The following GHR variants were observed in gnomAD, a reference collection of about 807,000 sequenced individuals.
GHR encodes growth hormone receptor, also known as GH receptor.
A neutral mutation model predicts 67.1 loss-of-function variants in GHR; 35 were observed. The observed-to-expected ratio is 0.52, with a 90% confidence interval of 0.40 to 0.69. GHR has a LOEUF of 0.69. Ranked by LOEUF, GHR falls within the 30% of genes least tolerant of loss-of-function variation. The pLI is 0.00. For synonymous variants in GHR, 272 were observed against 269.1 expected (o/e 1.01, Z -0.10); for missense variants, 792 against 764.6 (o/e 1.04, Z -0.42).
At chr5:42,530,116 A>G (rs72754916) in intron 1 of GHR, among the ~76,000 whole-genome samples, 6,537 of 146,284 alleles carry the variant, frequency 0.045, 206 homozygotes, top group Middle Eastern at 0.078. Flanking sequence ...TGATGATTTG[A>G]TATATGTGTA....
intron 1 of GHR, among the ~76,000 whole-genome samples, chr5:42,563,115 A>T (rs190355198): frequency 1.3e-5 from 2 of 152,312 alleles, no homozygotes; most frequent in Non-Finnish European, 2.9e-5. Context: ...AAACCAGAGG[A>T]TGCAGCCTTC....
chr5:42,656,773 A>G (rs191253875), intron 3 of GHR, among the ~76,000 whole-genome samples: 46 of 152,280 alleles, frequency 3.0e-4, no homozygotes, highest in Admixed American at 2.7e-3. Context: ...ACTTTATTCC[A>G]GCAAATTTAG....
chr5:42,645,621 C>T (rs907803460), intron 3 of GHR, among the ~76,000 whole-genome samples: 1 of 152,176 alleles, frequency 6.6e-6, no homozygotes, highest in Admixed American at 6.6e-5. Flanking sequence ...CCAGAGAGAA[C>T]ATTTGAAATG....
chr5:42,477,179 A>G (rs1484302545), intron 1 of GHR, among the ~76,000 whole-genome samples: 1 of 151,798 alleles, frequency 6.6e-6, no homozygotes, highest in African/African-American at 2.4e-5. Flanking sequence ...GATGGTTTCC[A>G]GTTTCATCCA....
intron 1 of GHR, among the ~76,000 whole-genome samples, chr5:42,476,301 A>G (rs1579775613): frequency 6.9e-6 from 1 of 144,080 alleles, no homozygotes; most frequent in Admixed American, 7.0e-5. Flanking sequence ...GCTCACTGCA[A>G]CCTCCGCTCC....
intron 6 of GHR, among the ~76,000 whole-genome samples, chr5:42,707,022 G>A (rs1317126931): frequency 6.6e-6 from 1 of 151,858 alleles, no homozygotes; most frequent in African/African-American, 2.4e-5. Context: ...CCATAAGCAT[G>A]GAATGTTTTT....
intron 2 of GHR, among the ~76,000 whole-genome samples, chr5:42,585,593 T>C (rs186913226): frequency 2.7e-4 from 41 of 152,330 alleles, no homozygotes; most frequent in Admixed American, 2.7e-3. Context: ...TTGCTGCACG[T>C]TTTTTAAAGT....
chr5:42,581,936 A>T (rs1360570087), intron 2 of GHR, among the ~76,000 whole-genome samples: 1 of 152,216 alleles, frequency 6.6e-6, no homozygotes, highest in East Asian at 1.9e-4. Context: ...CTCTCCCTGC[A>T]CCTGCACCCA....
chr5:42,650,578 C>CATATATATAT (rs35408817), intron 3 of GHR, among the ~76,000 whole-genome samples: 2,725 of 128,884 alleles, frequency 0.021, 91 homozygotes, highest in East Asian at 0.13. Flanking sequence ...TTACAGATAA[C>CATATATATAT]ATATATATAT....
intron 1 of GHR, among the ~76,000 whole-genome samples, chr5:42,474,582 G>C (rs897693716): frequency 6.6e-6 from 1 of 152,022 alleles, no homozygotes; most frequent in Non-Finnish European, 1.5e-5. Flanking sequence ...TCTGACCTAA[G>C]CCTGGGAACC....
At chr5:42,544,666 C>T (rs982080226) in intron 1 of GHR, among the ~76,000 whole-genome samples, 2 of 152,044 alleles carry the variant, frequency 1.3e-5, no homozygotes, top group African/African-American at 2.4e-5. Context: ...TGTCACTCAC[C>T]GTAAGAAAAT....
chr5:42,481,094 A>G (rs1414385765), intron 1 of GHR, among the ~76,000 whole-genome samples: 1 of 151,904 alleles, frequency 6.6e-6, no homozygotes, highest in South Asian at 2.1e-4. Context: ...TGGTGACAAA[A>G]TCTCTCAGCA....
chr5:42,650,599 A>G (rs1030065248), intron 3 of GHR, among the ~76,000 whole-genome samples: 1 of 146,374 alleles, frequency 6.8e-6, no homozygotes, highest in African/African-American at 2.5e-5. Context: ...ATATATATAT[A>G]TATGTATGTC....
Position 42,523,688 on chromosome 5 carries a change from A to G in GHR, c.-11-42176A>G, listed in dbSNP as rs182271716. ...AACAATATTGAAATTAGGAGCGTTA[A>G]TAATGCTACAATGACCTCTACGTGT... On this transcript the variant is annotated intron_variant, in intron 1 of 9. Coordinates refer to ENST00000230882, the MANE Select transcript of GHR (RefSeq NM_000163.5). Among the ~76,000 whole-genome samples the G allele has an allele frequency of 1.4e-4, 22 of 152,248 alleles. No homozygotes were observed. The East Asian group carries it at 4.1e-3, about 28-fold the overall frequency.
At chr5:42,498,136 C>G (rs1380627363) in intron 1 of GHR, among the ~76,000 whole-genome samples, 1 of 152,174 alleles carries the variant, frequency 6.6e-6, no homozygotes, top group Admixed American at 6.5e-5. Context: ...GCTGGCATGG[C>G]CCAACTGTGC....
intron 3 of GHR, among the ~76,000 whole-genome samples, chr5:42,687,575 A>T (rs1028434892): frequency 6.6e-6 from 1 of 152,184 alleles, no homozygotes; most frequent in African/African-American, 2.4e-5. Flanking sequence ...TGAATGATGG[A>T]TTTGTTTAGA....
rs539377735 is a variant in GHR at position 42,486,664 on chromosome 5, G to A, written c.-12+62709G>A. 1.7e-3 allele frequency among the ~76,000 whole-genome samples: 257 copies of A among 152,198 alleles called. 5 individuals carry two copies. The South Asian group carries it at 0.05, about 29-fold the overall frequency. On this transcript the variant is annotated intron_variant, in intron 1 of 9. Coordinates refer to ENST00000230882, the MANE Select transcript of GHR (RefSeq NM_000163.5). ...AGATCGAGACCATCCTGGCTAACACGGTGAAACCCCGTCTCTACTAAAAAT... is the reference window on the plus strand; with the variant it reads ...AGATCGAGACCATCCTGGCTAACACAGTGAAACCCCGTCTCTACTAAAAAT...
intron 3 of GHR, among the ~76,000 whole-genome samples, chr5:42,636,421 T>G (rs1267729970): frequency 6.6e-6 from 1 of 152,186 alleles, no homozygotes; most frequent in East Asian, 1.9e-4. Flanking sequence ...TTTTAGTAAC[T>G]CTTGAAAGTT....
chr5:42,628,776 TTGCCCA>T (rs1167994291), intron 2 of GHR, among the ~76,000 whole-genome samples: 3 of 131,650 alleles, frequency 2.3e-5, no homozygotes, highest in Non-Finnish European at 4.8e-5. Flanking sequence ...TAGTATCTTA[TTGCCCA>T]AAGAGTCTAT....
Sources: allele counts gnomAD v4.1 joint callset (sites outside exome capture counted in the v4.1 genomes callset), GRCh38; gene constraint gnomAD v4.1.1; transcripts MANE v1.5; gene names NCBI Gene and HGNC (gene_info 2026-07-23, HGNC 2026-07-21).